The following ARHGAP45 variants were observed in gnomAD, a reference collection of about 807,000 sequenced individuals.
The protein encoded by ARHGAP45 is rho GTPase-activating protein 45.
In ARHGAP45, 56 loss-of-function variants were observed where a neutral mutation model predicts 116.1. The ratio of observed to expected loss-of-function variants is 0.48; its 90% CI spans 0.39 to 0.60. The LOEUF (loss-of-function observed/expected upper bound fraction) is 0.60. ARHGAP45 is among the 20% of genes least tolerant of loss of function. The pLI, the probability that ARHGAP45 is intolerant of heterozygous loss-of-function variation, is 0.00. For missense variants in ARHGAP45, 1,622 were observed against 1,601.0 expected (o/e 1.01, Z -0.22); for synonymous variants, 866 against 701.7 (o/e 1.23, Z -3.70).
chr19:1,071,198 C>G lies in ARHGAP45; in HGVS notation c.422-1951C>G, dbSNP rs1364451879. On this transcript the variant is annotated intron_variant, in intron 2 of 22. Coordinates refer to ENST00000313093, the MANE Select transcript of ARHGAP45 (RefSeq NM_012292.5). This position sits in a 1 kb window ranked among gnomAD's most constrained non-coding sequence, Gnocchi z 4.6. The stretch of plus-strand genomic sequence containing the variant: ...CCCTCGCGGGGGCGGGGCCTCCTGA[C>G]CGGCCGGAGCCGGTTTGGCCACCGG... 7 of 1,389,710 alleles carry G rather than the reference C, an allele frequency of 5.0e-6. No homozygotes were observed. Among genetic ancestry groups the G allele is most frequent in the Non-Finnish European group, 5.6e-6 (6 of 1,074,200 alleles). 86.1% of individuals were successfully genotyped at this position (1,389,710 alleles called of 1,614,324 possible).
chr19:1,075,370 G>A lies in ARHGAP45; in HGVS notation c.1185+491G>A, dbSNP rs1469109471. Among the ~76,000 whole-genome samples the A allele has an allele frequency of 8.6e-5, 13 of 150,954 alleles. No homozygotes were observed. The Admixed American group carries it at 8.6e-4, about 10-fold the overall frequency. On this transcript the variant is annotated intron_variant, in intron 10 of 22. Coordinates refer to ENST00000313093, the MANE Select transcript of ARHGAP45 (RefSeq NM_012292.5). ...AACAATTCTCCTGTCGCAGCGTCCC[G>A]AGTAGCTGGGATTACAGAAGCACGC...
Position 1,080,948 on chromosome 19 carries a change from C to A in ARHGAP45, c.2074C>A (p.Arg692Ser). 1.2e-6 allele frequency: 2 copies of A among 1,609,628 alleles called. No homozygotes were observed. Among genetic ancestry groups the A allele is most frequent in the Non-Finnish European group, 1.7e-6 (2 of 1,178,608 alleles). The part of the protein sequence containing the change: ...LPVAVPSGPF[R>S]HEGLSKAART... ...GGTGGCCGTGCCCAGTGGACCGTTC[C>A]GCCACGAGGGGCTGTCCAAGGCGGC... is the stretch of plus-strand genomic sequence containing the variant. The change falls in exon 17 of 23, where the codon CGC becomes AGC. Residue 692 changes from arginine (R) to serine (S), a missense_variant. Physicochemically the swap from Arg to Ser is moderately radical, Grantham distance 110. Transcript: ENST00000313093.
At chr19:1,075,524 C>G (rs983654340) in intron 10 of ARHGAP45, among the ~76,000 whole-genome samples, 1 of 152,014 alleles carries the variant, frequency 6.6e-6, no homozygotes, top group Non-Finnish European at 1.5e-5. Context: ...AGATTACAGA[C>G]GTGAGCCACC....
In ARHGAP45 at chr19:1,068,665, G is replaced by C. The variant is rs1173257663; in HGVS notation, c.342G>C (p.Glu114Asp). ...PTEGAGPDVVEDISHLLADVA... is the reference protein window; with the variant it reads ...PTEGAGPDVVDDISHLLADVA... ...AGGGTGCCGGCCCGGACGTCGTCGA[G>C]GACATCTCCCATCTGCTGGCGGACG... The change falls in exon 2 of 23, where the codon GAG becomes GAC. Residue 114 changes from glutamate (E) to aspartate (D), a missense_variant. By Grantham distance (45) the Glu-to-Asp change is conservative (BLOSUM62 2). Coordinates refer to ENST00000313093, the MANE Select transcript of ARHGAP45 (RefSeq NM_012292.5). This position sits in a 1 kb window ranked among gnomAD's most constrained non-coding sequence, Gnocchi z 7.5. 1 of 1,612,676 alleles carries C rather than the reference G, an allele frequency of 6.2e-7. No individual in the cohort carries two copies.
chr19:1,083,182 G>T lies in ARHGAP45; in HGVS notation c.2784G>T (p.Gly928=). The T allele has an allele frequency of 6.2e-7, 1 of 1,611,198 alleles. No individual in the cohort carries two copies. The part of the protein sequence containing the change: ...EVEQDNKMTP[G]NLGIVFGPTL... Reference sequence around the variant, plus strand: ...AGCAGGACAACAAGATGACCCCCGGGAACCTGGGCATCGTGTTCGGGCCCA... The same window carrying T: ...AGCAGGACAACAAGATGACCCCCGGTAACCTGGGCATCGTGTTCGGGCCCA... The change falls in exon 21 of 23, where the codon GGG becomes GGT. Residue 928 remains glycine, a synonymous_variant. Coordinates refer to ENST00000313093, the MANE Select transcript of ARHGAP45 (RefSeq NM_012292.5).
intron 19 of ARHGAP45, 81 bp downstream of exon 19, chr19:1,082,042 C>A: frequency 8.3e-7 from 1 of 1,205,776 alleles, no homozygotes; most frequent in Non-Finnish European, 1.1e-6. Context: ...GGTCCGGGAG[C>A]TGGAGCAGGA....
Position 1,074,628 on chromosome 19 carries a change from C to T in ARHGAP45, c.1008C>T (p.Leu336=), listed in dbSNP as rs769777568. 1.3e-6 allele frequency: 2 copies of T among 1,598,644 alleles called. No individual in the cohort carries two copies. The highest frequency in any genetic ancestry group is 8.5e-7 in the Non-Finnish European group (1 of 1,173,538). The part of the protein sequence containing the change: ...QSVMQEPHMP[L]LSIYSLALEQ... ...CCCACCCACAGCCCCACATGCCGCT[C>T]CTGTCCATCTACTCGCTGGCCCTGG... The change falls in exon 9 of 23, where the codon CTC becomes CTT. Residue 336 remains leucine, a synonymous_variant. Transcript: ENST00000313093.
chr19:1,071,433 C>G lies in ARHGAP45; in HGVS notation c.422-1716C>G. On this transcript the variant is annotated intron_variant, in intron 2 of 22. Transcript: ENST00000313093. The surrounding 1 kb of genome is among the most constrained non-coding windows in gnomAD (Gnocchi z 4.6). Reference sequence around the variant, plus strand: ...TGGCGCTCGGGCCGTTTGCCGCCCGCGGTGGGGGAGCAGCGGCTGCCGCGC... The same window carrying G: ...TGGCGCTCGGGCCGTTTGCCGCCCGGGGTGGGGGAGCAGCGGCTGCCGCGC... The G allele has an allele frequency of 9.4e-7, 1 of 1,062,670 alleles. No homozygotes were observed. Among genetic ancestry groups the G allele is most frequent in the Non-Finnish European group, 1.1e-6 (1 of 873,884 alleles). 65.8% of individuals were successfully genotyped at this position (1,062,670 alleles called of 1,614,324 possible). A position where few individuals can be genotyped will look rare whatever the true frequency, so the allele number is the denominator to read the frequency against.
intron 10 of ARHGAP45, among the ~76,000 whole-genome samples, chr19:1,075,236 CTT>C (rs551827897): frequency 3.8e-5 from 5 of 131,004 alleles, no homozygotes; most frequent in Non-Finnish European, 1.6e-5. Context: ...TGCATGTATT[CTT>C]TTTTTTTTTT....
intron 2 of ARHGAP45, among the ~76,000 whole-genome samples, chr19:1,070,329 CTT>C (rs1172163710): frequency 2.1e-5 from 2 of 93,262 alleles, no homozygotes; most frequent in Non-Finnish European, 4.2e-5. Flanking sequence ...CTTTTCTTTT[CTT>C]TTTTTTTTTT....
At chr19:1,066,113 G>A (rs752641158), upstream of ARHGAP45, 38 of 1,535,582 alleles carry the variant, frequency 2.5e-5, no homozygotes, top group South Asian at 3.8e-4. Flanking sequence ...TGGAGCAAGG[G>A]GCTGTGGCCT....
intron 2 of ARHGAP45, among the ~76,000 whole-genome samples, chr19:1,070,307 T>G (rs1405330430): frequency 2.7e-5 from 4 of 146,688 alleles, no homozygotes; most frequent in African/African-American, 7.6e-5. Context: ...TTTTCTTTTT[T>G]TCTTTCTTTT....
rs780207425 is a variant in ARHGAP45 at position 1,079,758 on chromosome 19, A to G, written c.1430A>G (p.Lys477Arg). The G allele has an allele frequency of 6.2e-7, 1 of 1,612,586 alleles. No homozygotes were observed. Among genetic ancestry groups the G allele is most frequent in the East Asian group, 2.2e-5 (1 of 44,868 alleles). ...RTCVADAKTQ[K>R]QELEDTKVTA... The stretch of plus-strand genomic sequence containing the variant: ...TGCGTGGCCGACGCGAAGACGCAGA[A>G]GCAGGAGCTGGAGGATACCAAGGTG... The change falls in exon 12 of 23, where the codon AAG (lysine) becomes AGG (arginine). Residue 477 changes from lysine (K) to arginine (R), a missense_variant. Physicochemically the swap from Lys to Arg is conservative, Grantham distance 26 (BLOSUM62 2). Transcript: ENST00000313093.
intron 1 of ARHGAP45, chr19:1,067,814 G>T: frequency 1.6e-6 from 1 of 606,130 alleles, no homozygotes; most frequent in African/African-American, 1.9e-5. Flanking sequence ...TAGGCAATCT[G>T]GGGGCTCTAG....
rs917799998 is a variant in ARHGAP45, at chr19:1,085,883, G to A, written c.3288G>A (p.Gln1096=). ...GDGDEDGPAQ[Q]LSGFNTNQSN... is the part of the protein sequence containing the mutation. ...GGGACGAGGACGGCCCGGCCCAGCAGCTCTCAGGATTCAACACCAACCAGT... is the reference window on the plus strand; with the variant it reads ...GGGACGAGGACGGCCCGGCCCAGCAACTCTCAGGATTCAACACCAACCAGT... Residue 1096 remains glutamine (Q), a synonymous_variant, in exon 23 of 23, where the codon CAG becomes CAA. Transcript: ENST00000313093. 6.2e-7 allele frequency: 1 copy of A among 1,612,810 alleles called. No homozygotes were observed. The highest frequency in any genetic ancestry group is 8.5e-7 in the Non-Finnish European group (1 of 1,179,960).
chr19:1,070,268 A>G (rs2043114733), intron 2 of ARHGAP45, among the ~76,000 whole-genome samples: 2 of 150,038 alleles, frequency 1.3e-5, no homozygotes, highest in South Asian at 4.2e-4. Context: ...TGCTGGGATT[A>G]CAGCAGGCAT....
At chr19:1,076,363 G>T (rs1053545767) in intron 10 of ARHGAP45, among the ~76,000 whole-genome samples, 1 of 151,832 alleles carries the variant, frequency 6.6e-6, no homozygotes, top group Non-Finnish European at 1.5e-5. Context: ...AGAGAACTTA[G>T]GCCTTAATCA....
rs1456590900 is a variant in ARHGAP45 at position 1,074,072 on chromosome 19, G to A, written c.791-32G>A. 9 of 1,607,482 alleles carry A rather than the reference G, an allele frequency of 5.6e-6. No homozygotes were observed. The South Asian group carries it at 8.9e-5, about 16-fold the overall frequency. ...GAGGGGTGGGCCATTGCGCGGGTCG[G>A]GCCAGGCTGAGCAGGCCCCCGTTCC... On this transcript the variant is annotated intron_variant, in intron 6 of 22. Coordinates refer to ENST00000313093, the MANE Select transcript of ARHGAP45 (RefSeq NM_012292.5).
At position 1,085,858 on chromosome 19, in the gene ARHGAP45, G is replaced by GGGACGGGGACGA. The variant is rs1568492124; in HGVS notation, c.3268_3269insGGGACGAGGACG (p.Asp1089_Glu1090insGlyAspGluAsp). On this transcript the variant is annotated inframe_insertion, in exon 23 of 23. Transcript: ENST00000313093. Reference sequence around the variant, plus strand: ...GCCACAGCCCGGGAGGACGGGGACGGGGACGAGGACGGCCCGGCCCAGCAG... The same window carrying GGGACGGGGACGA: ...GCCACAGCCCGGGAGGACGGGGACGGGGACGGGGACGAGGACGAGGACGGCCCGGCCCAGCAG... 2 of 1,612,720 alleles carry GGGACGGGGACGA rather than the reference G, an allele frequency of 1.2e-6. No individual in the cohort carries two copies. The highest frequency in any genetic ancestry group is 1.3e-5 in the African/African-American group (1 of 74,908).
Sources: gnomAD v4.1 joint callset for allele counts (sites outside exome capture counted in the v4.1 genomes callset) on GRCh38, gnomAD v4.1.1 for gene constraint, Gnocchi (gnomAD v3.1) non-coding constraint, MANE v1.5 for transcripts, NCBI Gene and HGNC (gene_info 2026-07-23, HGNC 2026-07-21) for gene names.